Variants in MLLT3 observed in about 807,000 individuals in gnomAD.
MLLT3 encodes the protein protein AF-9.
MLLT3 carries 4 observed loss-of-function variants against 53.2 expected under a neutral mutation model. The ratio of observed to expected loss-of-function variants is 0.08; its 90% CI spans 0.04 to 0.17. The LOEUF is 0.17. MLLT3 is among the 10% of genes least tolerant of loss of function. MLLT3 has a pLI of 1.00. For synonymous variants in MLLT3, 283 were observed against 230.6 expected, an observed-to-expected ratio of 1.23 and a Z score of -2.06; for missense variants, 569 against 684.0, an observed-to-expected ratio of 0.83 and a Z score of 1.87.
intron 2 of MLLT3, among the ~76,000 whole-genome samples, chr9:20,595,151 G>C (rs1261377406): frequency 1.3e-5 from 2 of 152,256 alleles, no homozygotes; most frequent in East Asian, 1.9e-4. Flanking sequence ...GAGCCAAGGA[G>C]TTCAAGACCA....
At chr9:20,354,089 G>A (rs1229394852) in intron 9 of MLLT3, among the ~76,000 whole-genome samples, 1 of 152,030 alleles carries the variant, frequency 6.6e-6, no homozygotes, top group African/African-American at 2.4e-5. Context: ...TTTTGTTTTT[G>A]TTTTAAAAAG....
chr9:20,533,115 G>T, intron 2 of MLLT3: 1 of 256,108 alleles, frequency 3.9e-6, no homozygotes, highest in South Asian at 4.5e-5. Flanking sequence ...CCAAGGAGAA[G>T]GCAAGTCTGG....
intron 2 of MLLT3, among the ~76,000 whole-genome samples, chr9:20,529,020 T>G (rs1015465675): frequency 4.6e-5 from 7 of 152,204 alleles, no homozygotes; most frequent in Admixed American, 4.6e-4. Flanking sequence ...ACTACCAGTG[T>G]CATGCTACAG....
intron 2 of MLLT3, among the ~76,000 whole-genome samples, chr9:20,474,252 G>T (rs1824465967): frequency 6.6e-6 from 1 of 152,036 alleles, no homozygotes; most frequent in Non-Finnish European, 1.5e-5. Flanking sequence ...TTTATAATAA[G>T]AAATGTGTAA....
chr9:20,573,482 G>T (rs777110257), intron 2 of MLLT3, among the ~76,000 whole-genome samples: 3 of 152,048 alleles, frequency 2.0e-5, no homozygotes, highest in Non-Finnish European at 4.4e-5. Flanking sequence ...GGCCAGCCAC[G>T]AGGAAGATTT....
chr9:20,470,541 A>G (rs976011171), intron 2 of MLLT3, among the ~76,000 whole-genome samples: 3 of 152,048 alleles, frequency 2.0e-5, no homozygotes, highest in Non-Finnish European at 2.9e-5. Flanking sequence ...CATGCCCAGG[A>G]GTAAATACAA....
rs1252856918 is a variant in MLLT3, at chr9:20,546,741, G to C, written c.193+73913C>G. On this transcript the variant is annotated intron_variant, in intron 2 of 10. Coordinates refer to ENST00000380338, the MANE Select transcript of MLLT3 (RefSeq NM_004529.4). ...TTCCTTAACTATGAGGAACATCCAA[G>C]TCTTTACCCTCTCTCACTCCCATCC... 9.9e-5 allele frequency among the ~76,000 whole-genome samples: 15 copies of C among 152,220 alleles called. 1 individual carries two copies. The highest frequency in any genetic ancestry group is 9.8e-4 in the Admixed American group (15 of 15,282).
At chr9:20,611,368 T>C (rs1022356992) in intron 2 of MLLT3, among the ~76,000 whole-genome samples, 6 of 152,210 alleles carry the variant, frequency 3.9e-5, no homozygotes, top group Admixed American at 3.3e-4. Context: ...GCTATTATTA[T>C]TAATACTTCA....
intron 4 of MLLT3, among the ~76,000 whole-genome samples, chr9:20,435,264 G>A (rs901839143): frequency 2.0e-5 from 3 of 151,846 alleles, no homozygotes; most frequent in East Asian, 1.9e-4. Context: ...GGCTAGACTC[G>A]AACTCCTGGG....
intron 2 of MLLT3, among the ~76,000 whole-genome samples, chr9:20,619,201 T>C (rs1002229442): frequency 6.6e-6 from 1 of 152,234 alleles, no homozygotes; most frequent in African/African-American, 2.4e-5. Context: ...CATAAAATGC[T>C]AACAAATTTC....
intron 7 of MLLT3, among the ~76,000 whole-genome samples, chr9:20,362,222 C>G (rs958985690): frequency 6.6e-6 from 1 of 152,140 alleles, no homozygotes; most frequent in Non-Finnish European, 1.5e-5. Flanking sequence ...GACTCACAAA[C>G]CTACATGATG....
chr9:20,568,643 A>C (rs1819448022), intron 2 of MLLT3, among the ~76,000 whole-genome samples: 1 of 152,218 alleles, frequency 6.6e-6, no homozygotes, highest in South Asian at 2.1e-4. Flanking sequence ...TGAGGATGTA[A>C]CAAGTATAGA....
intron 2 of MLLT3, among the ~76,000 whole-genome samples, chr9:20,578,390 A>G (rs547161119): frequency 1.3e-5 from 2 of 152,292 alleles, no homozygotes; most frequent in Admixed American, 6.5e-5. Flanking sequence ...CATTATCTGA[A>G]AATGGGGCTG....
rs540766372 is a variant in MLLT3 at position 20,465,311 on chromosome 9, TA to T, written c.194-8526del. Among the ~76,000 whole-genome samples, 483 of 152,270 alleles carry T rather than the reference TA, an allele frequency of 3.2e-3. 2 individuals carry two copies. Among genetic ancestry groups the T allele is most frequent in the Non-Finnish European group, 5.8e-3 (392 of 67,984 alleles). ...AATTTTCTCAAACGTATATTCACCT[TA>T]AAAGGATAATTTTCAACTGAAATAG... is the stretch of plus-strand genomic sequence containing the variant. On this transcript the variant is annotated intron_variant, in intron 2 of 10. Transcript: ENST00000380338.
At chr9:20,362,752 T>C (rs1821358131) in intron 7 of MLLT3, 1 of 144,834 alleles carries the variant, frequency 6.9e-6, no homozygotes, top group African/African-American at 2.6e-5. Context: ...TTCTACATAG[T>C]AATGGATAAC....
chr9:20,573,836 C>T (rs1563824741), intron 2 of MLLT3, among the ~76,000 whole-genome samples: 1 of 152,178 alleles, frequency 6.6e-6, no homozygotes, highest in Non-Finnish European at 1.5e-5. Context: ...CTCATCAAAA[C>T]CCAAAACTAT....
chr9:20,376,931 T>A (rs1821779987), intron 5 of MLLT3, among the ~76,000 whole-genome samples: 1 of 152,192 alleles, frequency 6.6e-6, no homozygotes, highest in Admixed American at 6.5e-5. Flanking sequence ...CACAGTACTA[T>A]TTTTGAGCAA....
chr9:20,511,088 G>T (rs1825523235), intron 2 of MLLT3, among the ~76,000 whole-genome samples: 1 of 152,024 alleles, frequency 6.6e-6, no homozygotes, highest in Non-Finnish European at 1.5e-5. Context: ...CATGTGACTG[G>T]TATTATTTAA....
chr9:20,537,793 T>C (rs140058111), intron 2 of MLLT3, among the ~76,000 whole-genome samples: 254 of 152,298 alleles, frequency 1.7e-3, no homozygotes, highest in African/African-American at 5.3e-3. Flanking sequence ...AAAGTCTAAG[T>C]TGCAAAATGT....
Sources: gnomAD v4.1 joint callset for allele counts (sites outside exome capture counted in the v4.1 genomes callset) on GRCh38, gnomAD v4.1.1 for gene constraint, MANE v1.5 for transcripts, NCBI Gene and HGNC (gene_info 2026-07-23, HGNC 2026-07-21) for gene names.